The following ZFAND4 variants were observed in gnomAD, a reference collection of about 807,000 sequenced individuals.
ZFAND4 encodes the protein AN1-type zinc finger protein 4.
A neutral mutation model predicts 64.4 loss-of-function variants in ZFAND4; 43 were observed. That is an observed-to-expected ratio of 0.67 (90% CI 0.52 to 0.86). The LOEUF (loss-of-function observed/expected upper bound fraction) is 0.86. Ranked by LOEUF, ZFAND4 falls within the 40% of genes least tolerant of loss-of-function variation. The probability of loss-of-function intolerance (pLI) is 0.00; values close to 1 mark genes in which losing one functional copy is unlikely to be tolerated. For missense variants in ZFAND4, 929 were observed against 859.8 expected, an observed-to-expected ratio of 1.08 and a Z score of -1.01; for synonymous variants, 296 against 305.7, an observed-to-expected ratio of 0.97 and a Z score of 0.33.
chr10:45,666,470 T>C (rs78757497), intron 1 of ZFAND4, among the ~76,000 whole-genome samples: 13,238 of 152,226 alleles, frequency 0.087, 979 homozygotes, highest in African/African-American at 0.2. Flanking sequence ...ATATGAATGG[T>C]AAATATTTTC....
At chr10:45,628,246 A>G (rs536143039) in intron 6 of ZFAND4, among the ~76,000 whole-genome samples, 5 of 152,378 alleles carry the variant, frequency 3.3e-5, no homozygotes, top group African/African-American at 1.2e-4. Context: ...AAGCTGGATA[A>G]TTCAGTGGAT....
At chr10:45,622,421 A>G (rs1221166387) in intron 8 of ZFAND4, among the ~76,000 whole-genome samples, 1 of 152,222 alleles carries the variant, frequency 6.6e-6, no homozygotes, top group Non-Finnish European at 1.5e-5. Flanking sequence ...GCTTCATGGT[A>G]TTGGATTTGG....
chr10:45,651,538 T>C (rs1357515330), intron 4 of ZFAND4: 2 of 469,776 alleles, frequency 4.3e-6, no homozygotes, highest in Non-Finnish European at 8.8e-6. Context: ...GCCATGATAA[T>C]ATCCATGAAA....
At chr10:45,647,401 A>C (rs1282537831) in intron 5 of ZFAND4, among the ~76,000 whole-genome samples, 3 of 150,964 alleles carry the variant, frequency 2.0e-5, no homozygotes, top group Non-Finnish European at 2.9e-5. Flanking sequence ...GATCCACAGA[A>C]ACTGTTCTCC....
In ZFAND4 at chr10:45,648,169, C is replaced by T. The variant is rs1381120803; in HGVS notation, c.569+125G>A. 4.2e-6 allele frequency: 4 copies of T among 957,682 alleles called. No homozygotes were observed. The African/African-American group carries it at 5.1e-5, about 12-fold the overall frequency. The allele number at this position is 957,682 out of a possible 1,614,324, so 59.3% of individuals were successfully genotyped here. A position where few individuals can be genotyped will look rare whatever the true frequency, so the allele number is the denominator to read the frequency against. On this transcript the variant is annotated intron_variant, in intron 5 of 9. Transcript: ENST00000344646. ...TAAAAAAACCTCAGTTTTATCATAT[C>T]AATTATACGAAGGACAATTTCAGAC...
rs75168974 is a variant in ZFAND4 at position 45,651,269 on chromosome 10, T to A, written c.328+697A>T. The A allele has an allele frequency of 5.4e-3, 1,054 of 196,198 alleles. 15 individuals are homozygous for A. Among genetic ancestry groups the A allele is most frequent in the African/African-American group, 0.023 (1,007 of 43,070 alleles). 12.2% of individuals were successfully genotyped at this position (196,198 alleles called of 1,614,324 possible). On this transcript the variant is annotated intron_variant, in intron 4 of 9. Transcript: ENST00000344646. ...TCTTGTGCTTAATAAAACCCTCTCATCAATCAAGTCTCCACTAATGTCATC... is the reference window on the plus strand; with the variant it reads ...TCTTGTGCTTAATAAAACCCTCTCAACAATCAAGTCTCCACTAATGTCATC...
At chr10:45,660,070 G>A (rs1209691040) in intron 2 of ZFAND4, among the ~76,000 whole-genome samples, 1 of 150,796 alleles carries the variant, frequency 6.6e-6, no homozygotes, top group South Asian at 2.1e-4. Context: ...GCTGAGGCAG[G>A]AGAATGGCGT....
rs189372632 is a variant in ZFAND4, at chr10:45,625,243, C to T, written c.1873-606G>A. Reference sequence around the variant, plus strand: ...ATCCCAGCACTTTGGGAGGCCCAGGCGGGTGGATCACGAGGTCAGGAGATC... The same window carrying T: ...ATCCCAGCACTTTGGGAGGCCCAGGTGGGTGGATCACGAGGTCAGGAGATC... On this transcript the variant is annotated intron_variant, in intron 7 of 9. Coordinates refer to ENST00000344646, the MANE Select transcript of ZFAND4 (RefSeq NM_174890.4). Among the ~76,000 whole-genome samples, 330 of 150,488 alleles carry T rather than the reference C, an allele frequency of 2.2e-3. 2 individuals are homozygous for T. The highest frequency in any genetic ancestry group is 7.5e-3 in the African/African-American group (309 of 40,966).
intron 1 of ZFAND4, among the ~76,000 whole-genome samples, chr10:45,665,070 G>C (rs1246629586): frequency 6.6e-6 from 1 of 152,148 alleles, no homozygotes; most frequent in East Asian, 1.9e-4. Flanking sequence ...AGTATGAGTG[G>C]TAAGCCCAAC....
intron 1 of ZFAND4, among the ~76,000 whole-genome samples, chr10:45,670,126 A>G (rs1347992924): frequency 6.6e-6 from 1 of 152,178 alleles, no homozygotes; most frequent in Non-Finnish European, 1.5e-5. Context: ...ATACATTTAG[A>G]AAACCCCATC....
intron 1 of ZFAND4, among the ~76,000 whole-genome samples, chr10:45,671,650 G>A (rs561941924): frequency 1.3e-5 from 2 of 152,238 alleles, no homozygotes; most frequent in East Asian, 1.9e-4. Context: ...CTTGGACACA[G>A]GGAGGGGAAC....
chr10:45,630,743 G>A (rs1282809938), intron 6 of ZFAND4, among the ~76,000 whole-genome samples: 2 of 150,150 alleles, frequency 1.3e-5, no homozygotes, highest in Non-Finnish European at 3.0e-5. Context: ...AAAATACTGA[G>A]GAAAGGTATG....
chr10:45,651,350 G>C (rs1589385366), intron 4 of ZFAND4: 1 of 294,300 alleles, frequency 3.4e-6, no homozygotes, highest in East Asian at 7.9e-5. Context: ...ACCATTAGGA[G>C]TTACATCGAC....
intron 5 of ZFAND4, among the ~76,000 whole-genome samples, chr10:45,645,149 T>C (rs1392055768): frequency 6.6e-6 from 1 of 151,978 alleles, no homozygotes; most frequent in Non-Finnish European, 1.5e-5. Flanking sequence ...GCCCAGCTAA[T>C]TTTTTTCCAG....
chr10:45,628,668 G>C (rs1472052744), intron 6 of ZFAND4, among the ~76,000 whole-genome samples: 1 of 151,946 alleles, frequency 6.6e-6, no homozygotes, highest in Admixed American at 6.6e-5. Context: ...TGACTTCTGG[G>C]CTGTTGAAAT....
chr10:45,635,195 CA>C lies in ZFAND4; in HGVS notation c.717+4620del, dbSNP rs1173808756. ...CACAGAATAGTCAAAGCCATCTAAGCAAAAAAAAAAAAAAAAAACAAAAAAA... is the reference window on the plus strand; with the variant it reads ...CACAGAATAGTCAAAGCCATCTAAGCAAAAAAAAAAAAAAAAACAAAAAAA... On this transcript the variant is annotated intron_variant, in intron 6 of 9. Coordinates refer to ENST00000344646, the MANE Select transcript of ZFAND4 (RefSeq NM_174890.4). Among the ~76,000 whole-genome samples the C allele has an allele frequency of 4.0e-3, 111 of 27,626 alleles. 2 individuals are homozygous for C. Among genetic ancestry groups the C allele is most frequent in the African/African-American group, 0.014 (83 of 5,868 alleles). 18.1% of individuals were successfully genotyped at this position (27,626 alleles called of 152,430 possible). A position where few individuals can be genotyped will look rare whatever the true frequency, so the allele number is the denominator to read the frequency against.
At chr10:45,627,324 T>C (rs1451580636) in intron 6 of ZFAND4, among the ~76,000 whole-genome samples, 1 of 152,174 alleles carries the variant, frequency 6.6e-6, no homozygotes, top group African/African-American at 2.4e-5. Context: ...GAAAAATAAT[T>C]TTGTTTTATT....
In ZFAND4 at chr10:45,626,858, C is replaced by G; in HGVS notation, c.965G>C (p.Ser322Thr). The G allele has an allele frequency of 6.2e-7, 1 of 1,614,186 alleles. No individual in the cohort carries two copies. Among genetic ancestry groups the G allele is most frequent in the African/African-American group, 1.3e-5 (1 of 75,044 alleles). ...GTGAGACAGTGTGTTATTCTCCCAG[C>G]TATTATCTTCCTTAAGAAATTCACC... is the stretch of plus-strand genomic sequence containing the variant. ...ITGEFLKEDN[S>T]WENNTLSHFS... Residue 322 changes from serine (S) to threonine (T), a missense_variant, in exon 7 of 10, where the codon AGC (serine) becomes ACC (threonine). Physicochemically the swap from Ser to Thr is moderately conservative, Grantham distance 58. Coordinates refer to ENST00000344646, the MANE Select transcript of ZFAND4 (RefSeq NM_174890.4).
At chr10:45,633,852 A>G (rs11239577) in intron 6 of ZFAND4, among the ~76,000 whole-genome samples, 141 of 152,210 alleles carry the variant, frequency 9.3e-4, no homozygotes, top group Non-Finnish European at 1.8e-3. Context: ...AATATTTTAC[A>G]TGCATGTCCA....
Sources: gnomAD v4.1 joint callset for allele counts (sites outside exome capture counted in the v4.1 genomes callset) on GRCh38, gnomAD v4.1.1 for gene constraint, MANE v1.5 for transcripts, NCBI Gene and HGNC (gene_info 2026-07-23, HGNC 2026-07-21) for gene names.